GRIK3: variants seen among roughly 807,000 people sequenced by gnomAD.
The protein encoded by GRIK3 is glutamate receptor ionotropic, kainate 3.
GRIK3 carries 29 observed loss-of-function variants against 102.5 expected under a neutral mutation model. The ratio of observed to expected loss-of-function variants is 0.28; its 90% CI spans 0.21 to 0.39. The LOEUF (loss-of-function observed/expected upper bound fraction) is 0.39, where lower values mean the gene tolerates loss of function less well. Among genes scored for constraint, GRIK3 ranks in the 10% least tolerant of loss-of-function variants. GRIK3 has a pLI of 1.00. For missense variants in GRIK3, 908 were observed against 1,252.4 expected, an observed-to-expected ratio of 0.73 and a Z score of 4.15; for synonymous variants, 511 against 504.9, an observed-to-expected ratio of 1.01 and a Z score of -0.16.
At chr1:36,919,100 T>A (rs1641438409) in intron 1 of GRIK3, among the ~76,000 whole-genome samples, 1 of 152,196 alleles carries the variant, frequency 6.6e-6, no homozygotes, top group Non-Finnish European at 1.5e-5. Flanking sequence ...GGAGGTTCAA[T>A]GCAGCCAATG....
chr1:36,869,788 C>CCCATGG lies in GRIK3; in HGVS notation c.740_745dup (p.Ala247_Met248dup). 1 of 1,612,766 alleles carries CCCATGG rather than the reference C, an allele frequency of 6.2e-7. No individual in the cohort carries two copies. The highest frequency in any genetic ancestry group is 8.5e-7 in the Non-Finnish European group (1 of 1,178,744). ...GAAGTGGTAGTACTCAGTCATCATGCCCATGGCCATGGCCTGCAGAAAAGC... is the reference window on the plus strand; with the variant it reads ...GAAGTGGTAGTACTCAGTCATCATGCCCATGGCCATGGCCATGGCCTGCAGAAAAGC... On this transcript the variant is annotated inframe_insertion, in exon 5 of 16. Transcript: ENST00000373091.
chr1:36,807,987 C>G (rs960556379), intron 13 of GRIK3, among the ~76,000 whole-genome samples: 3 of 152,202 alleles, frequency 2.0e-5, no homozygotes, highest in Non-Finnish European at 2.9e-5. Flanking sequence ...GCTACTCCAG[C>G]TCTGCATGAC....
intron 1 of GRIK3, among the ~76,000 whole-genome samples, chr1:36,934,251 C>T (rs879906924): frequency 2.4e-4 from 37 of 152,192 alleles, no homozygotes; most frequent in Non-Finnish European, 4.0e-4. Flanking sequence ...GGCCTCCCTC[C>T]CTCTGGCTGG....
chr1:36,979,440 C>T (rs1290004563), intron 1 of GRIK3, among the ~76,000 whole-genome samples: 1 of 152,222 alleles, frequency 6.6e-6, no homozygotes, highest in African/African-American at 2.4e-5. Context: ...AGCTCAGGTG[C>T]AGGAATGCTC....
chr1:36,871,057 T>A (rs553190506), intron 4 of GRIK3, among the ~76,000 whole-genome samples: 10 of 152,244 alleles, frequency 6.6e-5, no homozygotes, highest in African/African-American at 2.4e-4. Context: ...AACTGCCTGC[T>A]GGGTGTCAGA....
At chr1:36,937,437 T>C (rs1641671757) in intron 1 of GRIK3, among the ~76,000 whole-genome samples, 1 of 152,212 alleles carries the variant, frequency 6.6e-6, no homozygotes, top group South Asian at 2.1e-4. Context: ...TGATGGAAGC[T>C]ATAATCAGCC....
intron 7 of GRIK3, among the ~76,000 whole-genome samples, chr1:36,856,570 T>A (rs1323356667): frequency 6.6e-6 from 1 of 151,964 alleles, no homozygotes; most frequent in Non-Finnish European, 1.5e-5. Context: ...TGTGCTGGGG[T>A]CGGGCAGGCA....
chr1:36,891,941 C>T (rs546496166), intron 1 of GRIK3, among the ~76,000 whole-genome samples: 7 of 152,270 alleles, frequency 4.6e-5, no homozygotes, highest in South Asian at 4.1e-4. Context: ...AAATGAATTC[C>T]TTTTACAATA....
chr1:37,001,681 C>T (rs1030477338), intron 1 of GRIK3, among the ~76,000 whole-genome samples: 1 of 152,112 alleles, frequency 6.6e-6, no homozygotes, highest in Admixed American at 6.6e-5. Context: ...TCCTCAATTT[C>T]CTCAAAAGAA....
At position 37,002,721 on chromosome 1, in the gene GRIK3, C is replaced by T. The variant is rs144053852; in HGVS notation, c.115+31273G>A. ...TGAGCCAGAGACTTACTCTGTCACC[C>T]AGGCTGGAGTGCAGGGACACAATCT... is the stretch of plus-strand genomic sequence containing the variant. On this transcript the variant is annotated intron_variant, in intron 1 of 15. Coordinates refer to ENST00000373091, the MANE Select transcript of GRIK3 (RefSeq NM_000831.4). Among the ~76,000 whole-genome samples, 3 of 150,096 alleles carry T rather than the reference C, an allele frequency of 2.0e-5. No homozygotes were observed. The East Asian group carries it at 5.8e-4, about 29-fold the overall frequency.
intron 8 of GRIK3, among the ~76,000 whole-genome samples, chr1:36,851,585 C>T (rs1283764740): frequency 6.6e-6 from 1 of 152,240 alleles, no homozygotes; most frequent in African/African-American, 2.4e-5. Flanking sequence ...CAGACCCTCA[C>T]TTGAGCTCCA....
chr1:36,998,160 G>A (rs548397067), intron 1 of GRIK3, among the ~76,000 whole-genome samples: 2 of 152,288 alleles, frequency 1.3e-5, no homozygotes, highest in East Asian at 1.9e-4. Context: ...GGAAGACACT[G>A]GGACACCAGC....
At chr1:36,957,577 GCCC>G (rs1266107869) in intron 1 of GRIK3, among the ~76,000 whole-genome samples, 2 of 133,590 alleles carry the variant, frequency 1.5e-5, no homozygotes, top group African/African-American at 2.8e-5. Context: ...GTGAGTCTGT[GCCC>G]TGTGAGTCTC....
chr1:36,978,073 G>A (rs769353972), intron 1 of GRIK3, among the ~76,000 whole-genome samples: 7 of 152,250 alleles, frequency 4.6e-5, no homozygotes, highest in East Asian at 1.9e-4. Flanking sequence ...ATAGCACGAC[G>A]CAATTTAAAT....
At chr1:36,957,719 T>C (rs1341069715) in intron 1 of GRIK3, among the ~76,000 whole-genome samples, 2 of 144,494 alleles carry the variant, frequency 1.4e-5, no homozygotes, top group Non-Finnish European at 3.0e-5. Context: ...TGAGCCTGTG[T>C]GCTCTGTGAG....
intron 2 of GRIK3, among the ~76,000 whole-genome samples, chr1:36,885,445 G>A (rs1473593565): frequency 2.0e-5 from 3 of 152,140 alleles, no homozygotes; most frequent in East Asian, 3.8e-4. Flanking sequence ...CATTGTTGCT[G>A]GTGAAAACAG....
intron 7 of GRIK3, among the ~76,000 whole-genome samples, chr1:36,853,945 C>T (rs1364441911): frequency 1.3e-5 from 2 of 152,198 alleles, no homozygotes; most frequent in Non-Finnish European, 2.9e-5. Flanking sequence ...TGCACCTTCT[C>T]GTGTACAACA....
chr1:36,873,503 C>T (rs1239884637), intron 3 of GRIK3, among the ~76,000 whole-genome samples: 1 of 152,088 alleles, frequency 6.6e-6, no homozygotes, highest in Non-Finnish European at 1.5e-5. Flanking sequence ...CCCCTTCCTC[C>T]CCTCCAAAGA....
intron 1 of GRIK3, among the ~76,000 whole-genome samples, chr1:37,019,397 G>A (rs867979069): frequency 3.3e-5 from 5 of 152,262 alleles, no homozygotes; most frequent in Middle Eastern, 3.4e-3. Flanking sequence ...TCGACTGTGC[G>A]ACTTTCAGTT....
Sources: gnomAD v4.1 joint callset for allele counts (sites outside exome capture counted in the v4.1 genomes callset) on GRCh38, gnomAD v4.1.1 for gene constraint, MANE v1.5 for transcripts, NCBI Gene and HGNC (gene_info 2026-07-23, HGNC 2026-07-21) for gene names.